PPP1R21: variants seen among roughly 807,000 people sequenced by gnomAD.
PPP1R21 encodes the protein KLRAQ motif containing 1.
In PPP1R21, 85 loss-of-function variants were observed where a neutral mutation model predicts 112.8. The observed-to-expected ratio is 0.75, with a 90% CI of 0.63 to 0.90. PPP1R21 has a LOEUF of 0.90. Among genes scored for constraint, PPP1R21 ranks in the 40% least tolerant of loss-of-function variants. The pLI, the probability that PPP1R21 is intolerant of heterozygous loss-of-function variation, is 0.00. For synonymous variants in PPP1R21, 381 were observed against 322.3 expected (o/e 1.18, Z -1.95); for missense variants, 1,199 against 901.5 (o/e 1.33, Z -4.23).
chr2:48,445,870 A>G (rs1470004965), intron 1 of PPP1R21, among the ~76,000 whole-genome samples: 1 of 152,160 alleles, frequency 6.6e-6, no homozygotes, highest in Non-Finnish European at 1.5e-5. Context: ...AAGAAAGACT[A>G]AGTAGGATTC....
At position 48,514,782 on chromosome 2, in the gene PPP1R21, C is replaced by T. The variant is rs1433590790; in HGVS notation, c.*38C>T. ...TGGTTGGCGACTGTTCTTTCCAGAC[C>T]TGCTCCTGCTGCACAGAGCCGCAGG... is the stretch of plus-strand genomic sequence containing the variant. On this transcript the variant is annotated 3_prime_UTR_variant, in exon 22 of 22. Coordinates refer to ENST00000294952, the MANE Select transcript of PPP1R21 (RefSeq NM_001135629.3). 6.2e-7 allele frequency: 1 copy of T among 1,610,604 alleles called. No homozygotes were observed. Among genetic ancestry groups the T allele is most frequent in the Non-Finnish European group, 8.5e-7 (1 of 1,177,550 alleles).
chr2:48,474,959 C>T (rs1037813130), intron 12 of PPP1R21, 140 bp downstream of exon 12: 1 of 664,726 alleles, frequency 1.5e-6, no homozygotes, highest in Non-Finnish European at 2.5e-6. Context: ...ATTCTCTAGC[C>T]CCTTATACAT....
intron 1 of PPP1R21, among the ~76,000 whole-genome samples, chr2:48,450,241 A>C (rs1667415320): frequency 6.6e-6 from 1 of 152,164 alleles, no homozygotes; most frequent in African/African-American, 2.4e-5. Context: ...TTGGAGTCCA[A>C]ACTGGTAGAG....
chr2:48,487,533 C>T (rs938645647), intron 14 of PPP1R21, among the ~76,000 whole-genome samples: 8 of 152,082 alleles, frequency 5.3e-5, no homozygotes, highest in African/African-American at 1.9e-4. Flanking sequence ...GAGGCTGAGG[C>T]GAGAGTATTG....
At chr2:48,441,455 G>C (rs1454502413) in intron 1 of PPP1R21, 1 of 229,530 alleles carries the variant, frequency 4.4e-6, no homozygotes, top group Non-Finnish European at 9.4e-6. Flanking sequence ...ATCTTCCCCC[G>C]AATCAATTCG....
chr2:48,471,288 G>A lies in PPP1R21; in HGVS notation c.1009G>A (p.Val337Met). ...TATTTTTCTTTTCCAGGAGACAACT[G>A]TGAAATTGAAAACTTTTTCAGAACA... ...EDTVTVLETT[V>M]KLKTFSEHLT... Residue 337 changes from valine (V) to methionine (M), a missense_variant, in exon 11 of 22, where the codon GTG (valine) becomes ATG (methionine). By Grantham distance (21) the Val-to-Met change is conservative. Coordinates refer to ENST00000294952, the MANE Select transcript of PPP1R21 (RefSeq NM_001135629.3). 1 of 1,611,478 alleles carries A rather than the reference G, an allele frequency of 6.2e-7. No individual in the cohort carries two copies. The highest frequency in any genetic ancestry group is 1.1e-5 in the South Asian group (1 of 90,488).
At position 48,489,816 on chromosome 2, in the gene PPP1R21, C is replaced by T. The variant is rs987112466; in HGVS notation, c.1447-1202C>T. ...ATTCCAGCACTTTGGGAGGCTGAGG[C>T]GGGAGGATCACGAGGTCAGGAGTTT... On this transcript the variant is annotated intron_variant, in intron 14 of 21. Transcript: ENST00000294952. Among the ~76,000 whole-genome samples, 6 of 151,634 alleles carry T rather than the reference C, an allele frequency of 4.0e-5. No individual in the cohort carries two copies. In the South Asian group the frequency reaches 1.0e-3, roughly 26 times the overall value.
chr2:48,506,781 TAAAA>T (rs1205507878), intron 18 of PPP1R21, among the ~76,000 whole-genome samples: 6 of 151,880 alleles, frequency 4.0e-5, no homozygotes, highest in Non-Finnish European at 5.9e-5. Context: ...CCGTCTCTAC[TAAAA>T]AATATAAAAA....
At chr2:48,468,814 C>T (rs188678884) in intron 9 of PPP1R21, among the ~76,000 whole-genome samples, 1 of 130,712 alleles carries the variant, frequency 7.7e-6, no homozygotes, top group African/African-American at 2.9e-5. Flanking sequence ...GACCCTGTCT[C>T]AAGAAAAAAA....
chr2:48,490,218 CAAAAAAA>C (rs70943343), intron 14 of PPP1R21, among the ~76,000 whole-genome samples: 3 of 93,952 alleles, frequency 3.2e-5, no homozygotes, highest in African/African-American at 8.3e-5. Flanking sequence ...GACGCCGACT[CAAAAAAA>C]AAAAAAAAAA....
intron 1 of PPP1R21, chr2:48,441,372 T>G: frequency 2.9e-6 from 1 of 343,050 alleles, no homozygotes. Context: ...CTTCCTCAAT[T>G]TTCTCAGCCT....
At chr2:48,507,245 T>C in intron 18 of PPP1R21, 24 bp from the exon 19 acceptor site, 10 of 1,498,760 alleles carry the variant, frequency 6.7e-6, no homozygotes, top group Non-Finnish European at 8.8e-6. Flanking sequence ...CTTGTTTATT[T>C]ATGTGTATTT....
intron 9 of PPP1R21, among the ~76,000 whole-genome samples, chr2:48,468,320 C>T (rs1668295086): frequency 6.6e-6 from 1 of 152,052 alleles, no homozygotes; most frequent in Non-Finnish European, 1.5e-5. Context: ...CATAGGAAGC[C>T]ATCATTAGGT....
At position 48,495,784 on chromosome 2, in the gene PPP1R21, GA is replaced by G; in HGVS notation, c.1692+17del. The G allele has an allele frequency of 7.1e-7, 1 of 1,411,346 alleles. No individual in the cohort carries two copies. Among genetic ancestry groups the G allele is most frequent in the Non-Finnish European group, 1.0e-6 (1 of 996,286 alleles). The allele number at this position is 1,411,346 out of a possible 1,614,324, so 87.4% of individuals were successfully genotyped here. A position where few individuals can be genotyped will look rare whatever the true frequency, so the allele number is the denominator to read the frequency against. ...CCTTGCACAGCAAGTATGGCACTGGGAAAATTATGGAAATTGTTAAAGAACA... is the reference window on the plus strand; with the variant it reads ...CCTTGCACAGCAAGTATGGCACTGGGAAATTATGGAAATTGTTAAAGAACA... On this transcript the variant is annotated intron_variant, in intron 16 of 21. Coordinates refer to ENST00000294952, the MANE Select transcript of PPP1R21 (RefSeq NM_001135629.3).
intron 1 of PPP1R21, chr2:48,441,360 T>C (rs1201598321): frequency 2.8e-6 from 1 of 358,222 alleles, no homozygotes; most frequent in South Asian, 2.9e-5. Flanking sequence ...CTCACCTCGC[T>C]GCTTCCTCAA....
intron 16 of PPP1R21, 87 bp from the exon 17 acceptor site, chr2:48,498,406 T>C: frequency 7.3e-7 from 1 of 1,368,750 alleles, no homozygotes; most frequent in African/African-American, 1.4e-5. Context: ...TGGGGTAGTT[T>C]TGGTTTACAT....
intron 18 of PPP1R21, among the ~76,000 whole-genome samples, chr2:48,505,813 T>C (rs1343377735): frequency 6.6e-6 from 1 of 152,214 alleles, no homozygotes; most frequent in East Asian, 1.9e-4. Flanking sequence ...ATAGCCTGTT[T>C]TTGTAATTGC....
At chr2:48,499,713 G>C (rs1234085226) in intron 17 of PPP1R21, among the ~76,000 whole-genome samples, 1 of 152,212 alleles carries the variant, frequency 6.6e-6, no homozygotes, top group Non-Finnish European at 1.5e-5. Context: ...TCATGAGGCA[G>C]ATTGTTGGCA....
chr2:48,498,785 G>C, intron 17 of PPP1R21, 50 bp downstream of exon 17: 2 of 1,583,240 alleles, frequency 1.3e-6, no homozygotes, highest in Non-Finnish European at 1.7e-6. Flanking sequence ...ATGCTAATTG[G>C]TAAGTATCTA....
Sources: allele counts gnomAD v4.1 joint callset (sites outside exome capture counted in the v4.1 genomes callset), GRCh38; gene constraint gnomAD v4.1.1; transcripts MANE v1.5; gene names NCBI Gene and HGNC (gene_info 2026-07-23, HGNC 2026-07-21).